Variants in COL21A1 observed in about 807,000 individuals in gnomAD.
The protein encoded by COL21A1 is collagen type XXI alpha 1 chain, also known as collagen alpha-1(XXI) chain.
In COL21A1, 149 loss-of-function variants were observed where a neutral mutation model predicts 137.9. That is an observed-to-expected ratio of 1.08 (90% CI 0.95 to 1.24). COL21A1 has a LOEUF of 1.24. Among genes scored for constraint, COL21A1 ranks in the 50% most tolerant of loss-of-function variants. COL21A1 has a pLI of 0.00. For missense variants in COL21A1, 1,167 were observed against 1,158.4 expected (o/e 1.01, Z -0.11); for synonymous variants, 456 against 391.5 (o/e 1.16, Z -1.95).
intron 1 of COL21A1, among the ~76,000 whole-genome samples, chr6:56,218,578 C>T (rs921213006): frequency 6.6e-6 from 1 of 152,070 alleles, no homozygotes; most frequent in Admixed American, 6.6e-5. Flanking sequence ...TTATGTTATA[C>T]ACTATTTAAA....
chr6:56,338,767 G>C (rs1765395252), intron 1 of COL21A1, among the ~76,000 whole-genome samples: 1 of 152,088 alleles, frequency 6.6e-6, no homozygotes, highest in Non-Finnish European at 1.5e-5. Flanking sequence ...CACATTCACA[G>C]GAAGGGAGAA....
intron 16 of COL21A1, among the ~76,000 whole-genome samples, chr6:56,117,740 G>T (rs1333836876): frequency 6.6e-6 from 1 of 151,918 alleles, no homozygotes; most frequent in Non-Finnish European, 1.5e-5. Context: ...CATCTTCTCT[G>T]ACGATAATAT....
At chr6:56,100,992 T>TG (rs1562197692) in intron 17 of COL21A1, among the ~76,000 whole-genome samples, 1 of 152,162 alleles carries the variant, frequency 6.6e-6, no homozygotes, top group African/African-American at 2.4e-5. Flanking sequence ...GAATAAAATG[T>TG]GGGGGCAAAC....
chr6:56,355,871 T>C (rs959247644), intron 1 of COL21A1, among the ~76,000 whole-genome samples: 1 of 152,180 alleles, frequency 6.6e-6, no homozygotes, highest in African/African-American at 2.4e-5. Context: ...TCTTGTATGT[T>C]GCAATTTAAA....
intron 1 of COL21A1, among the ~76,000 whole-genome samples, chr6:56,240,563 C>T (rs933300232): frequency 6.6e-6 from 1 of 152,202 alleles, no homozygotes; most frequent in Non-Finnish European, 1.5e-5. Flanking sequence ...CCTAAAGGAT[C>T]CAATGACTTC....
intron 10 of COL21A1, among the ~76,000 whole-genome samples, chr6:56,143,961 C>T (rs945906826): frequency 6.6e-6 from 1 of 152,082 alleles, no homozygotes; most frequent in Non-Finnish European, 1.5e-5. Flanking sequence ...AAAATGGAAA[C>T]GTTTAGTAAT....
chr6:56,220,335 A>G (rs1179859155), intron 1 of COL21A1, among the ~76,000 whole-genome samples: 1 of 152,162 alleles, frequency 6.6e-6, no homozygotes, highest in Non-Finnish European at 1.5e-5. Flanking sequence ...CAAGCAAATA[A>G]CTGACACTGA....
At chr6:56,153,293 T>A (rs558471474) in intron 10 of COL21A1, among the ~76,000 whole-genome samples, 73 of 152,224 alleles carry the variant, frequency 4.8e-4, no homozygotes, top group Non-Finnish European at 8.2e-4. Flanking sequence ...TTGACTTCTG[T>A]CTCATATAAA....
intron 1 of COL21A1, among the ~76,000 whole-genome samples, chr6:56,287,207 A>T (rs1294690820): frequency 6.6e-6 from 1 of 152,152 alleles, no homozygotes; most frequent in African/African-American, 2.4e-5. Flanking sequence ...TTGAAGCAGG[A>T]TATTTTATCA....
intron 17 of COL21A1, among the ~76,000 whole-genome samples, chr6:56,086,406 A>T (rs1768249274): frequency 6.6e-6 from 1 of 151,746 alleles, no homozygotes; most frequent in Non-Finnish European, 1.5e-5. Flanking sequence ...TACCAATAAC[A>T]TAAACAGTCA....
intron 17 of COL21A1, among the ~76,000 whole-genome samples, chr6:56,091,931 C>CT: frequency 6.6e-6 from 1 of 152,006 alleles, no homozygotes; most frequent in Non-Finnish European, 1.5e-5. Context: ...CTGTCCTCAC[C>CT]ATCCACCTAG....
chr6:56,155,384 T>C (rs1775665930), intron 10 of COL21A1, among the ~76,000 whole-genome samples: 1 of 152,118 alleles, frequency 6.6e-6, no homozygotes, highest in African/African-American at 2.4e-5. Context: ...TCTTAGGAAA[T>C]CTCTCTCAGG....
At chr6:56,355,532 T>C (rs1765810405) in intron 1 of COL21A1, among the ~76,000 whole-genome samples, 1 of 152,164 alleles carries the variant, frequency 6.6e-6, no homozygotes, top group African/African-American at 2.4e-5. Context: ...AACCTGTAAA[T>C]TATAAATGGA....
At chr6:56,090,357 T>C (rs1210652992) in intron 17 of COL21A1, among the ~76,000 whole-genome samples, 2 of 152,244 alleles carry the variant, frequency 1.3e-5, no homozygotes, top group African/African-American at 4.8e-5. Context: ...CCAGTTTTGC[T>C]ATGTCAATGA....
chr6:56,161,182 C>G (rs1776172276), intron 9 of COL21A1, among the ~76,000 whole-genome samples: 1 of 152,186 alleles, frequency 6.6e-6, no homozygotes, highest in South Asian at 2.1e-4. Context: ...CAAAGGCTAT[C>G]AACAGAGATA....
intron 9 of COL21A1, among the ~76,000 whole-genome samples, chr6:56,158,021 G>T (rs1775885417): frequency 6.6e-6 from 1 of 152,168 alleles, no homozygotes; most frequent in Non-Finnish European, 1.5e-5. Flanking sequence ...TGACCATTCA[G>T]ATGGTCACCA....
At chr6:56,158,266 CTTTTTT>C (rs67453245) in intron 9 of COL21A1, among the ~76,000 whole-genome samples, 4 of 62,404 alleles carry the variant, frequency 6.4e-5, no homozygotes, top group East Asian at 5.4e-4. Flanking sequence ...TTTTTTTTTT[CTTTTTT>C]TTTTTTTTTT....
chr6:56,094,433 C>T lies in COL21A1; in HGVS notation c.1812+7039G>A, dbSNP rs552962790. ...GATGAGAAAGGCTTTCTCCACATGA[C>T]TTCCACTTCTTCACTGAGCCCTCAC... On this transcript the variant is annotated intron_variant, in intron 17 of 29. Coordinates refer to ENST00000244728, the MANE Select transcript of COL21A1 (RefSeq NM_030820.4). Among the ~76,000 whole-genome samples the T allele has an allele frequency of 2.7e-5, 4 of 147,696 alleles. No individual in the cohort carries two copies. The South Asian group carries it at 6.4e-4, about 24-fold the overall frequency.
At chr6:56,238,710 G>A (rs1429951753) in intron 1 of COL21A1, among the ~76,000 whole-genome samples, 1 of 152,078 alleles carries the variant, frequency 6.6e-6, no homozygotes, top group African/African-American at 2.4e-5. Context: ...CCTCTCCCAA[G>A]TACTAGGTGG....
Sources: gnomAD v4.1 joint callset for allele counts (sites outside exome capture counted in the v4.1 genomes callset) on GRCh38, gnomAD v4.1.1 for gene constraint, MANE v1.5 for transcripts, NCBI Gene and HGNC (gene_info 2026-07-23, HGNC 2026-07-21) for gene names.